The following KIF13A variants were observed in gnomAD, a reference collection of about 807,000 sequenced individuals.
The protein encoded by KIF13A is kinesin-like protein KIF13A.
In KIF13A, 79 loss-of-function variants were observed where a neutral mutation model predicts 212.2. That is an observed-to-expected ratio of 0.37 (90% CI 0.31 to 0.45). The LOEUF (loss-of-function observed/expected upper bound fraction) is 0.45, where lower values mean the gene tolerates loss of function less well. Among genes scored for constraint, KIF13A ranks in the 20% least tolerant of loss-of-function variants. KIF13A has a pLI of 1.00. For synonymous variants in KIF13A, 789 were observed against 808.6 expected (o/e 0.98, Z 0.41); for missense variants, 1,901 against 2,209.0 (o/e 0.86, Z 2.79).
chr6:17,909,650 G>A (rs926488655), intron 2 of KIF13A, among the ~76,000 whole-genome samples: 30 of 151,466 alleles, frequency 2.0e-4, no homozygotes, highest in East Asian at 5.9e-4. Context: ...ATCCCGGCAC[G>A]TTGGGAGGCC....
intron 35 of KIF13A, among the ~76,000 whole-genome samples, chr6:17,774,550 G>A (rs181718009): frequency 4.6e-5 from 7 of 152,250 alleles, no homozygotes; most frequent in East Asian, 3.9e-4. Context: ...GAGGCGGATC[G>A]ATCACCTGAG....
intron 16 of KIF13A, among the ~76,000 whole-genome samples, chr6:17,822,705 G>C (rs1322476490): frequency 6.6e-6 from 1 of 152,122 alleles, no homozygotes; most frequent in Non-Finnish European, 1.5e-5. Flanking sequence ...CCTGGAGTTT[G>C]GAGTCTACAT....
rs1479793608 is a variant in KIF13A at position 17,829,266 on chromosome 6, C to T, written c.1402-896G>A. ...ATTTTAAACTACAAACATAAACATA[C>T]AACCCTTAGCCCTCAGGGCTATAAT... On this transcript the variant is annotated intron_variant, in intron 13 of 38. Transcript: ENST00000259711. The surrounding 1 kb of genome is among the most constrained non-coding windows in gnomAD (Gnocchi z 5.4). Among the ~76,000 whole-genome samples the T allele has an allele frequency of 2.0e-5, 3 of 152,314 alleles. No individual in the cohort carries two copies. The East Asian group carries it at 5.8e-4, about 29-fold the overall frequency.
In KIF13A at chr6:17,909,765, G is replaced by A. The variant is rs1051829620; in HGVS notation, c.147-11585C>T. 1.9e-4 allele frequency among the ~76,000 whole-genome samples: 29 copies of A among 151,858 alleles called. 1 individual carries two copies. Among genetic ancestry groups the A allele is most frequent in the Admixed American group, 2.6e-4 (4 of 15,244 alleles). On this transcript the variant is annotated intron_variant, in intron 2 of 38. Transcript: ENST00000259711. ...AAAAATTAGCCAGGTGTGGTGGTGC[G>A]TGCCTGTAGTTCCAGCTACTTGGGA... is the stretch of plus-strand genomic sequence containing the variant.
rs1301176260 is a variant in KIF13A, at chr6:17,817,100, C to A, written c.1920G>T (p.Gln640His). 7 of 1,613,852 alleles carry A rather than the reference C, an allele frequency of 4.3e-6. No individual in the cohort carries two copies. In the Admixed American group the frequency reaches 1.2e-4, roughly 27 times the overall value. The change falls in exon 17 of 39, where the codon CAG becomes CAT. Residue 640 changes from glutamine to histidine, a missense_variant. Gln to His is a conservative substitution (Grantham distance 24, BLOSUM62 0). Coordinates refer to ENST00000259711, the MANE Select transcript of KIF13A (RefSeq NM_022113.6). Reference protein sequence around the residue: ...QLRQQLSPDRQPQSSGPDRLA... With the variant: ...QLRQQLSPDRHPQSSGPDRLA... ...GGCGGTCAGGGCCGCTACTCTGTGG[C>A]TGCCTGTCGGGGGAGAGCTGCTGGC...
chr6:17,873,175 CT>C, intron 4 of KIF13A: 1 of 491,746 alleles, frequency 2.0e-6, no homozygotes, highest in Non-Finnish European at 3.6e-6. Context: ...TAATAAAAAT[CT>C]GTTCAAGGAT....
At chr6:17,940,830 T>TA (rs1776901405) in intron 2 of KIF13A, among the ~76,000 whole-genome samples, 3 of 150,794 alleles carry the variant, frequency 2.0e-5, no homozygotes, top group South Asian at 2.1e-4. Flanking sequence ...TTTTTTTTTT[T>TA]TTTTTTTTTT....
intron 2 of KIF13A, chr6:17,953,771 A>T (rs1274285828): frequency 5.3e-6 from 1 of 190,474 alleles, no homozygotes; most frequent in Non-Finnish European, 1.2e-5. Context: ...AATCAACCTA[A>T]TTAAGGCTGA....
chr6:17,765,673 T>C (rs528655962), intron 38 of KIF13A, among the ~76,000 whole-genome samples: 2 of 152,272 alleles, frequency 1.3e-5, no homozygotes, highest in South Asian at 2.1e-4. Flanking sequence ...TTCAAGCCCC[T>C]GTTCACAAAA....
At chr6:17,759,918 T>C (rs1200967938), downstream of KIF13A, 1 of 121,560 alleles carries the variant, frequency 8.2e-6, no homozygotes, top group Non-Finnish European at 1.6e-5. Context: ...CTTACAGTAA[T>C]ACGGCTCTCT....
downstream of KIF13A, among the ~76,000 whole-genome samples, chr6:17,762,213 AT>A (rs34052352): frequency 0.022 from 3,103 of 138,768 alleles, 113 homozygotes; most frequent in African/African-American, 0.075. Flanking sequence ...GTGAATTTGA[AT>A]TTTTTTTTTT....
At chr6:17,812,467 T>A (rs538853501) in intron 17 of KIF13A, 6 of 152,354 alleles carry the variant, frequency 3.9e-5, no homozygotes, top group Admixed American at 3.9e-4. Flanking sequence ...TTTCTAAGAA[T>A]GATGGCCGCC....
chr6:17,932,933 T>G (rs953897875), intron 2 of KIF13A, among the ~76,000 whole-genome samples: 1 of 151,838 alleles, frequency 6.6e-6, no homozygotes, highest in Non-Finnish European at 1.5e-5. Flanking sequence ...GAAATCACAA[T>G]ACGGTAAAGC....
intron 2 of KIF13A, among the ~76,000 whole-genome samples, chr6:17,976,764 C>T (rs1466355711): frequency 2.7e-4 from 40 of 150,280 alleles, no homozygotes; most frequent in African/African-American, 5.4e-4. Flanking sequence ...ATCACGCCAC[C>T]GCACTCTATC....
rs1265915034 is a variant in KIF13A, at chr6:17,834,366, T to C, written c.1156-295A>G. Among the ~76,000 whole-genome samples, 3 of 152,226 alleles carry C rather than the reference T, an allele frequency of 2.0e-5. No homozygotes were observed. The highest frequency in any genetic ancestry group is 2.9e-5 in the Non-Finnish European group (2 of 68,038). The stretch of plus-strand genomic sequence containing the variant: ...CCCTAAAAGATGCTAACGTTCAACT[T>C]TGAAATAGATAAGCAGGACAAAAGG... On this transcript the variant is annotated intron_variant, in intron 11 of 38. Transcript: ENST00000259711. This position sits in a 1 kb window ranked among gnomAD's most constrained non-coding sequence, Gnocchi z 4.0.
chr6:17,798,429 T>C (rs529034666), intron 22 of KIF13A, among the ~76,000 whole-genome samples: 2 of 152,232 alleles, frequency 1.3e-5, no homozygotes, highest in South Asian at 2.1e-4. Context: ...AATAAAGATT[T>C]TGAGGAACAG....
chr6:17,761,513 A>G (rs1758585636), downstream of KIF13A, among the ~76,000 whole-genome samples: 1 of 151,942 alleles, frequency 6.6e-6, no homozygotes, highest in Admixed American at 6.6e-5. Context: ...CCTCCCGAGT[A>G]GCTGGGATTA....
rs1340775105 is a variant in KIF13A, at chr6:17,804,810, T to C, written c.2305-300A>G. On this transcript the variant is annotated intron_variant, in intron 19 of 38. Transcript: ENST00000259711. ...GTGACAGAGCGAGACTCTGTCTCCA[T>C]TAAAAAAAAAAAAAAAAAAAAAAAA... Among the ~76,000 whole-genome samples the C allele has an allele frequency of 3.4e-3, 36 of 10,452 alleles. 1 individual carries two copies. In the Admixed American group the frequency reaches 0.046, roughly 13 times the overall value. The allele number at this position is 10,452 out of a possible 152,430, so 6.9% of individuals were successfully genotyped here. A position where few individuals can be genotyped will look rare whatever the true frequency, so the allele number is the denominator to read the frequency against.
At chr6:17,778,139 AAAAT>A (rs1760167405) in intron 33 of KIF13A, among the ~76,000 whole-genome samples, 1 of 152,244 alleles carries the variant, frequency 6.6e-6, no homozygotes, top group South Asian at 2.1e-4. Flanking sequence ...CTCTGTCTCA[AAAAT>A]AAATAAACAA....
Sources: gnomAD v4.1 joint callset for allele counts (sites outside exome capture counted in the v4.1 genomes callset) on GRCh38, gnomAD v4.1.1 for gene constraint, Gnocchi (gnomAD v3.1) non-coding constraint, MANE v1.5 for transcripts, NCBI Gene and HGNC (gene_info 2026-07-23, HGNC 2026-07-21) for gene names.